The following PALM2AKAP2 variants were observed in gnomAD, a reference collection of about 807,000 sequenced individuals.
The protein encoded by PALM2AKAP2 is PALM2 and AKAP2 fusion.
In PALM2AKAP2, 37 loss-of-function variants were observed where a neutral mutation model predicts 71.5. The ratio of observed to expected loss-of-function variants is 0.52; its 90% CI spans 0.40 to 0.68. The LOEUF is 0.68. PALM2AKAP2 is among the 30% of genes least tolerant of loss of function. PALM2AKAP2 has a pLI of 0.00. For synonymous variants in PALM2AKAP2, 468 were observed against 478.8 expected (o/e 0.98, Z 0.29); for missense variants, 1,224 against 1,191.8 (o/e 1.03, Z -0.40).
At chr9:109,959,646 A>AG (rs1831818232) in intron 6 of PALM2AKAP2, among the ~76,000 whole-genome samples, 2 of 131,424 alleles carry the variant, frequency 1.5e-5, no homozygotes, top group African/African-American at 2.7e-5. Flanking sequence ...CTCCGTCTCA[A>AG]AAAAAAAAAA....
At chr9:109,709,088 G>A (rs1402675253) in intron 1 of PALM2AKAP2, among the ~76,000 whole-genome samples, 1 of 152,162 alleles carries the variant, frequency 6.6e-6, no homozygotes, top group Non-Finnish European at 1.5e-5. Flanking sequence ...CTCCTACCTT[G>A]CACTACTCTT....
At position 109,787,318 on chromosome 9, in the gene PALM2AKAP2, A is replaced by G. The variant is rs141792369; in HGVS notation, c.45+6785A>G. ...GCATTAAGCACTCACAAACTTTCCTATTTATAATAAGCAAACCAACAAATC... is the reference window on the plus strand; with the variant it reads ...GCATTAAGCACTCACAAACTTTCCTGTTTATAATAAGCAAACCAACAAATC... On this transcript the variant is annotated intron_variant, in intron 1 of 9. Transcript: ENST00000302798. Among the ~76,000 whole-genome samples the G allele has an allele frequency of 3.3e-3, 499 of 152,340 alleles. 2 individuals are homozygous for G. The highest frequency in any genetic ancestry group is 0.02 in the Middle Eastern group (6 of 294).
intron 1 of PALM2AKAP2, among the ~76,000 whole-genome samples, chr9:109,802,457 T>A (rs1487175406): frequency 2.0e-5 from 3 of 152,240 alleles, no homozygotes; most frequent in Non-Finnish European, 4.4e-5. Context: ...AGACATTTGC[T>A]GTGTTGAAAT....
At chr9:109,816,181 C>A (rs1015756632) in intron 1 of PALM2AKAP2, among the ~76,000 whole-genome samples, 2 of 152,178 alleles carry the variant, frequency 1.3e-5, no homozygotes, top group Non-Finnish European at 2.9e-5. Flanking sequence ...CACTCCAGGG[C>A]ACCTTATGTA....
intron 1 of PALM2AKAP2, among the ~76,000 whole-genome samples, chr9:109,840,716 C>G (rs1828635045): frequency 3.3e-5 from 5 of 152,164 alleles, no homozygotes; most frequent in African/African-American, 1.2e-4. Context: ...AGGATATGAA[C>G]AGACACTTCT....
At chr9:109,987,430 G>T (rs1230593264) in intron 6 of PALM2AKAP2, among the ~76,000 whole-genome samples, 1 of 151,994 alleles carries the variant, frequency 6.6e-6, no homozygotes, top group Admixed American at 6.6e-5. Context: ...TGACCAGCCT[G>T]CTTTCCTTTT....
intron 6 of PALM2AKAP2, among the ~76,000 whole-genome samples, chr9:109,952,909 A>G (rs1238883678): frequency 1.3e-5 from 2 of 152,194 alleles, no homozygotes; most frequent in Non-Finnish European, 2.9e-5. Context: ...TATTTATTAA[A>G]AGCACTGTGT....
chr9:109,764,046 C>T (rs1199169779), intron 1 of PALM2AKAP2, among the ~76,000 whole-genome samples: 1 of 152,160 alleles, frequency 6.6e-6, no homozygotes, highest in Non-Finnish European at 1.5e-5. Context: ...TGGACAGCCA[C>T]TATTCACCCA....
At chr9:110,104,141 C>G (rs1835061361) in intron 1 of PALM2AKAP2, among the ~76,000 whole-genome samples, 1 of 124,574 alleles carries the variant, frequency 8.0e-6, no homozygotes, top group Non-Finnish European at 1.5e-5. Flanking sequence ...TTGTCTGCAA[C>G]TGAACAGCCT....
At chr9:110,017,317 T>C (rs142470735) in intron 7 of PALM2AKAP2, among the ~76,000 whole-genome samples, 29 of 152,362 alleles carry the variant, frequency 1.9e-4, no homozygotes, top group East Asian at 1.5e-3. Flanking sequence ...AATGTTACCA[T>C]AGTAAAGCTA....
intron 1 of PALM2AKAP2, among the ~76,000 whole-genome samples, chr9:109,661,817 T>A (rs886876328): frequency 6.6e-6 from 1 of 152,200 alleles, no homozygotes; most frequent in African/African-American, 2.4e-5. Context: ...ATTCTTCCAT[T>A]TGTTTGTGTC....
At chr9:109,963,562 T>C (rs1424575428) in intron 6 of PALM2AKAP2, among the ~76,000 whole-genome samples, 1 of 152,208 alleles carries the variant, frequency 6.6e-6, no homozygotes, top group Non-Finnish European at 1.5e-5. Flanking sequence ...TATGGGCCTT[T>C]ACTCATCTTA....
upstream of PALM2AKAP2, among the ~76,000 whole-genome samples, chr9:109,778,439 G>A (rs1315490376): frequency 1.3e-5 from 2 of 152,194 alleles, no homozygotes; most frequent in Non-Finnish European, 2.9e-5. Context: ...TTGTCCTGCT[G>A]GGGCTTGTGC....
intron 1 of PALM2AKAP2, among the ~76,000 whole-genome samples, chr9:109,739,219 T>C (rs1281953676): frequency 6.6e-6 from 1 of 152,180 alleles, no homozygotes; most frequent in African/African-American, 2.4e-5. Flanking sequence ...ATTCAAGTAG[T>C]TCATTGACTT....
chr9:110,078,913 T>C (rs1020893553), intron 1 of PALM2AKAP2, among the ~76,000 whole-genome samples: 2 of 152,224 alleles, frequency 1.3e-5, no homozygotes, highest in African/African-American at 4.8e-5. Flanking sequence ...AGCTGATCTT[T>C]GTCGGCAAAG....
chr9:110,001,326 A>C (rs1832676996), intron 6 of PALM2AKAP2, among the ~76,000 whole-genome samples: 1 of 152,170 alleles, frequency 6.6e-6, no homozygotes, highest in East Asian at 1.9e-4. Flanking sequence ...TTAGTTGTAG[A>C]AATGTGGCAT....
chr9:109,877,596 C>T lies in PALM2AKAP2; in HGVS notation c.127-2955C>T, dbSNP rs1212789210. The stretch of plus-strand genomic sequence containing the variant: ...GCCAAGGGAACAGGATGGACAACAA[C>T]AATAGTAAACATTTCTATAGTACTA... On this transcript the variant is annotated intron_variant, in intron 2 of 9. Coordinates refer to the PALM2AKAP2 transcript ENST00000302798. Among the ~76,000 whole-genome samples the T allele has an allele frequency of 2.0e-5, 3 of 152,188 alleles. No individual in the cohort carries two copies. The East Asian group carries it at 5.8e-4, about 29-fold the overall frequency.
intron 3 of PALM2AKAP2, among the ~76,000 whole-genome samples, chr9:109,908,516 G>T (rs527731897): frequency 1.3e-5 from 2 of 152,330 alleles, no homozygotes; most frequent in South Asian, 4.1e-4. Flanking sequence ...AATAACAGTA[G>T]TAGATATTTT....
At chr9:109,664,349 G>A (rs1827445563) in intron 1 of PALM2AKAP2, among the ~76,000 whole-genome samples, 1 of 152,064 alleles carries the variant, frequency 6.6e-6, no homozygotes, top group Admixed American at 6.5e-5. Context: ...TCCATGTTTA[G>A]TGCCTCCTTC....
Sources: allele counts gnomAD v4.1 joint callset (sites outside exome capture counted in the v4.1 genomes callset), GRCh38; gene constraint gnomAD v4.1.1; transcripts MANE v1.5; gene names NCBI Gene and HGNC (gene_info 2026-07-23, HGNC 2026-07-21).